Variants in ARHGEF12 observed in about 807,000 individuals in gnomAD.
ARHGEF12 encodes Rho guanine nucleotide exchange factor 12.
A neutral mutation model predicts 211.2 loss-of-function variants in ARHGEF12; 66 were observed. The observed-to-expected ratio is 0.31, with a 90% CI of 0.26 to 0.38. ARHGEF12 has a LOEUF of 0.38. Among genes scored for constraint, ARHGEF12 ranks in the 10% least tolerant of loss-of-function variants. The probability of loss-of-function intolerance (pLI) is 1.00; values close to 1 mark genes in which losing one functional copy is unlikely to be tolerated. For missense variants in ARHGEF12, 1,429 were observed against 1,869.5 expected (o/e 0.76, Z 4.34); for synonymous variants, 592 against 638.4 (o/e 0.93, Z 1.09).
intron 1 of ARHGEF12, among the ~76,000 whole-genome samples, chr11:120,399,713 G>A (rs1043622620): frequency 6.6e-6 from 1 of 152,068 alleles, no homozygotes; most frequent in Non-Finnish European, 1.5e-5. Context: ...CATAAGATAA[G>A]TCATTATAAT....
intron 34 of ARHGEF12, 184 bp downstream of exon 34, chr11:120,476,932 TC>T (rs1947048892): frequency 6.7e-6 from 4 of 598,128 alleles, no homozygotes; most frequent in South Asian, 2.5e-5. Flanking sequence ...TTGATTCTAT[TC>T]TGAAAGTTTA....
intron 20 of ARHGEF12, chr11:120,448,843 A>C: frequency 5.3e-6 from 2 of 376,108 alleles, no homozygotes; most frequent in Non-Finnish European, 9.5e-6. Flanking sequence ...TGTTTAGAAT[A>C]AGTTCCTGGT....
intron 1 of ARHGEF12, among the ~76,000 whole-genome samples, chr11:120,355,497 A>G (rs1187617322): frequency 1.3e-5 from 2 of 152,206 alleles, no homozygotes; most frequent in African/African-American, 4.8e-5. Flanking sequence ...ATTCAAAGAC[A>G]TTGATTGACT....
intron 21 of ARHGEF12, 194 bp downstream of exon 21, chr11:120,449,408 C>T (rs939096359): frequency 5.5e-5 from 29 of 531,162 alleles, no homozygotes; most frequent in Middle Eastern, 4.3e-4. Context: ...TTGTCATAAA[C>T]ATCTTTCGTG....
Position 120,420,758 on chromosome 11 carries a change from G to T in ARHGEF12, c.205G>T (p.Val69Phe), listed in dbSNP as rs1308938541. Residue 69 changes from valine to phenylalanine, a missense_variant, in exon 5 of 41, where the codon GTT (valine) becomes TTT (phenylalanine). By Grantham distance (50) the Val-to-Phe change is conservative (BLOSUM62 -1). Transcript: ENST00000397843. ...EESRSEIYGL[V>F]QRCVIIQKDD... ...ACACTGTGGTTCTTGTGCAGGTCTTGTTCAGCGTTGCGTAATCATCCAGAA... is the reference window on the plus strand; with the variant it reads ...ACACTGTGGTTCTTGTGCAGGTCTTTTTCAGCGTTGCGTAATCATCCAGAA... 6.2e-7 allele frequency: 1 copy of T among 1,613,868 alleles called. No homozygotes were observed. Among genetic ancestry groups the T allele is most frequent in the Admixed American group, 1.7e-5 (1 of 60,010 alleles).
chr11:120,396,584 G>A (rs1228518262), intron 1 of ARHGEF12, among the ~76,000 whole-genome samples: 1 of 152,158 alleles, frequency 6.6e-6, no homozygotes, highest in Non-Finnish European at 1.5e-5. Context: ...ATTTTCAAAA[G>A]TGCAAAAGGC....
At position 120,446,627 on chromosome 11, in the gene ARHGEF12, T is replaced by C; in HGVS notation, c.1451+119T>C. 3.9e-6 allele frequency: 3 copies of C among 768,784 alleles called. No individual in the cohort carries two copies. In the South Asian group the frequency reaches 6.2e-5, roughly 16 times the overall value. 47.6% of individuals were successfully genotyped at this position (768,784 alleles called of 1,614,324 possible). A position where few individuals can be genotyped will look rare whatever the true frequency, so the allele number is the denominator to read the frequency against. ...TAGATAAACCATATGGTCTTATTGT[T>C]ATTAAAACATAATGAACATCTGGAG... On this transcript the variant is annotated intron_variant, in intron 17 of 40. Transcript: ENST00000397843.
At chr11:120,370,808 A>C (rs1943568315) in intron 1 of ARHGEF12, among the ~76,000 whole-genome samples, 2 of 149,052 alleles carry the variant, frequency 1.3e-5, no homozygotes, top group African/African-American at 2.5e-5. Flanking sequence ...CTTCCTTCCC[A>C]TCCCCCATTC....
At chr11:120,421,910 C>T in intron 6 of ARHGEF12, 58 bp downstream of exon 6, 1 of 1,333,400 alleles carries the variant, frequency 7.5e-7, no homozygotes, top group Non-Finnish European at 1.1e-6. Flanking sequence ...ATATATTGGT[C>T]ATATTCTGAT....
At position 120,429,808 on chromosome 11, in the gene ARHGEF12, T is replaced by C; in HGVS notation, c.760T>C (p.Ser254Pro). ...KHIPQLQEQL[S>P]KATGSAQDGA... Reference sequence around the variant, plus strand: ...CATTCCTCAGCTGCAAGAGCAGTTATCCAAAGCCACAGGCTCTGCTCAGGT... The same window carrying C: ...CATTCCTCAGCTGCAAGAGCAGTTACCCAAAGCCACAGGCTCTGCTCAGGT... Residue 254 changes from serine to proline, a missense_variant, in exon 10 of 41, where the codon TCC becomes CCC. By Grantham distance (74) the Ser-to-Pro change is moderately conservative. Transcript: ENST00000397843. 6.2e-7 allele frequency: 1 copy of C among 1,613,814 alleles called. No individual in the cohort carries two copies. The highest frequency in any genetic ancestry group is 8.5e-7 in the Non-Finnish European group (1 of 1,179,838).
Position 120,446,949 on chromosome 11 carries a change from C to G in ARHGEF12, c.1453C>G (p.Gln485Glu). ...AGGAAACTTCTCTATTCCCTTCAGG[C>G]AGAAACGTAGTATGGGACTGACCTT... ...EVQRHLEDFR[Q>E]KRSMGLTLAE... The change falls in exon 18 of 41, where the codon CAG becomes GAG. Residue 485 changes from glutamine to glutamate, a missense_variant and splice_region_variant. This residue lies in a region of ARHGEF12 where 373 missense variants were observed against 467.5 expected (regional missense o/e 0.80). Coordinates refer to ENST00000397843, the MANE Select transcript of ARHGEF12 (RefSeq NM_015313.3). The G allele has an allele frequency of 6.2e-7, 1 of 1,613,108 alleles. No individual in the cohort carries two copies. Among genetic ancestry groups the G allele is most frequent in the Non-Finnish European group, 8.5e-7 (1 of 1,179,722 alleles).
Position 120,402,816 on chromosome 11 carries a change from AG to A in ARHGEF12, c.33-3300del, listed in dbSNP as rs76376667. On this transcript the variant is annotated intron_variant, in intron 1 of 40. Transcript: ENST00000397843. Reference sequence around the variant, plus strand: ...ATAAAAGAAAAAAACAATTTCTAGCAGGCTATTTATTATAAGCAAATATGTG... The same window carrying A: ...ATAAAAGAAAAAAACAATTTCTAGCAGCTATTTATTATAAGCAAATATGTG... Among the ~76,000 whole-genome samples, 1,304 of 152,362 alleles carry A rather than the reference AG, an allele frequency of 8.6e-3. 87 individuals carry two copies. In the South Asian group the frequency reaches 0.16, roughly 19 times the overall value.
intron 1 of ARHGEF12, chr11:120,385,218 C>T: frequency 1.3e-6 from 1 of 759,522 alleles, no homozygotes; most frequent in Non-Finnish European, 1.6e-6. Flanking sequence ...TGTTCTCTGT[C>T]TTTCCATTAG....
At chr11:120,369,286 A>G (rs1243788024) in intron 1 of ARHGEF12, among the ~76,000 whole-genome samples, 2 of 151,850 alleles carry the variant, frequency 1.3e-5, no homozygotes, top group Non-Finnish European at 2.9e-5. Context: ...ACACCCGCAC[A>G]ACTGGCTAAT....
intron 25 of ARHGEF12, 92 bp downstream of exon 25, chr11:120,458,326 T>TTC: frequency 6.8e-7 from 1 of 1,466,076 alleles, no homozygotes; most frequent in Non-Finnish European, 9.3e-7. Context: ...GCTTCAAAGT[T>TTC]TCTCCTAGCC....
Position 120,489,348 on chromosome 11 carries a change from A to AAT in ARHGEF12, c.*4281_*4282dup, listed in dbSNP as rs1269963022. Reference sequence around the variant, plus strand: ...TATTATTGATTTTTAATTGTGGTGAAATATATATATAACAAAATTTGCTAT... The same window carrying AAT: ...TATTATTGATTTTTAATTGTGGTGAAATATATATATATAACAAAATTTGCTAT... On this transcript the variant is annotated 3_prime_UTR_variant, in exon 41 of 41. Coordinates refer to ENST00000397843, the MANE Select transcript of ARHGEF12 (RefSeq NM_015313.3). The AAT allele has an allele frequency of 1.5e-4, 34 of 224,894 alleles. No homozygotes were observed. The South Asian group carries it at 2.2e-3, about 15-fold the overall frequency. 13.9% of individuals were successfully genotyped at this position (224,894 alleles called of 1,614,324 possible).
Position 120,367,282 on chromosome 11 carries a change from G to C in ARHGEF12, c.32+30007G>C, listed in dbSNP as rs187423692. Among the ~76,000 whole-genome samples, 393 of 148,226 alleles carry C rather than the reference G, an allele frequency of 2.7e-3. 5 individuals carry two copies. Among genetic ancestry groups the C allele is most frequent in the Admixed American group, 0.02 (300 of 14,864 alleles). On this transcript the variant is annotated intron_variant, in intron 1 of 40. Coordinates refer to ENST00000397843, the MANE Select transcript of ARHGEF12 (RefSeq NM_015313.3). Reference sequence around the variant, plus strand: ...GTTAACGGAATTTTTAAGGATTATAGGACAGCACAAAATAATTTCTCTTGT... The same window carrying C: ...GTTAACGGAATTTTTAAGGATTATACGACAGCACAAAATAATTTCTCTTGT...
intron 1 of ARHGEF12, chr11:120,337,650 C>T: frequency 1.0e-6 from 1 of 985,374 alleles, no homozygotes; most frequent in Middle Eastern, 5.2e-4. Flanking sequence ...TCAGCTTTAG[C>T]CGTGTCCTGC....
Position 120,347,156 on chromosome 11 carries a change from C to T in ARHGEF12, c.32+9881C>T, listed in dbSNP as rs57266758. Among the ~76,000 whole-genome samples, 48 of 50,538 alleles carry T rather than the reference C, an allele frequency of 9.5e-4. 1 individual carries two copies. Among genetic ancestry groups the T allele is most frequent in the African/African-American group, 2.1e-3 (15 of 7,088 alleles). The allele number at this position is 50,538 out of a possible 152,430, so 33.2% of individuals were successfully genotyped here. ...CTTTCCTTCCTTCCTTCCTTCCTTC[C>T]TTCCTTCCTTCCTTCCTTCCTTCCT... is the stretch of plus-strand genomic sequence containing the variant. On this transcript the variant is annotated intron_variant, in intron 1 of 40. Coordinates refer to ENST00000397843, the MANE Select transcript of ARHGEF12 (RefSeq NM_015313.3).
Sources: allele counts gnomAD v4.1 joint callset (sites outside exome capture counted in the v4.1 genomes callset), GRCh38; gene constraint gnomAD v4.1.1; regional missense constraint gnomAD v4.1.1; transcripts MANE v1.5; gene names NCBI Gene and HGNC (gene_info 2026-07-23, HGNC 2026-07-21).